The following NF1 variants were observed in gnomAD, a reference collection of about 807,000 sequenced individuals.
NF1 encodes the protein neurofibromin.
In NF1, 122 loss-of-function variants were observed where a neutral mutation model predicts 325.7. The observed-to-expected ratio is 0.37, with a 90% CI of 0.32 to 0.44. The LOEUF (loss-of-function observed/expected upper bound fraction) is 0.44. Ranked by LOEUF, NF1 falls within the 20% of genes least tolerant of loss-of-function variation. NF1 has a pLI of 1.00. For synonymous variants in NF1, 1,091 were observed against 1,186.0 expected (o/e 0.92, Z 1.65); for missense variants, 2,140 against 3,415.4 (o/e 0.63, Z 9.31).
At chr17:31,194,965 G>A (rs925826787) in intron 8 of NF1, among the ~76,000 whole-genome samples, 7 of 151,894 alleles carry the variant, frequency 4.6e-5, no homozygotes, top group South Asian at 2.1e-4. Context: ...CTAATTATTC[G>A]AACAGTTATT....
At chr17:31,310,311 A>T (rs1032400283) in intron 36 of NF1, among the ~76,000 whole-genome samples, 1 of 152,146 alleles carries the variant, frequency 6.6e-6, no homozygotes, top group African/African-American at 2.4e-5. Flanking sequence ...AGGAAGGTCA[A>T]TTGACTAGAG....
intron 36 of NF1, among the ~76,000 whole-genome samples, chr17:31,277,483 G>A (rs750864081): frequency 3.9e-5 from 6 of 152,106 alleles, no homozygotes; most frequent in African/African-American, 1.4e-4. Flanking sequence ...AAATTAGTTC[G>A]TGCTGACTAA....
intron 1 of NF1, among the ~76,000 whole-genome samples, chr17:31,100,799 A>C (rs1350335654): frequency 2.0e-5 from 3 of 152,040 alleles, no homozygotes; most frequent in African/African-American, 4.8e-5. Flanking sequence ...GAATTTCTTG[A>C]TGTCGTGATC....
intron 1 of NF1, among the ~76,000 whole-genome samples, chr17:31,144,820 CACTG>C (rs1313972607): frequency 2.0e-5 from 3 of 152,186 alleles, no homozygotes; most frequent in Non-Finnish European, 4.4e-5. Flanking sequence ...TCAGAATAGT[CACTG>C]GACCTGCTAG....
intron 1 of NF1, among the ~76,000 whole-genome samples, chr17:31,126,705 G>C (rs1321416517): frequency 6.6e-6 from 1 of 152,080 alleles, no homozygotes; most frequent in African/African-American, 2.4e-5. Context: ...GCCTCCCAAA[G>C]TGTTGAGATT....
Position 31,377,510 on chromosome 17 carries a change from C to T in NF1, c.*3355C>T, listed in dbSNP as rs181320341. 7 of 232,678 alleles carry T rather than the reference C, an allele frequency of 3.0e-5. No homozygotes were observed. The highest frequency in any genetic ancestry group is 1.2e-4 in the East Asian group (2 of 16,410). The allele number at this position is 232,678 out of a possible 1,614,324, so 14.4% of individuals were successfully genotyped here. ...CTTGTTAATACTGTAAACAGTTGTACGCCAGCAGGAAAAATACTGCCCAAC... is the reference window on the plus strand; with the variant it reads ...CTTGTTAATACTGTAAACAGTTGTATGCCAGCAGGAAAAATACTGCCCAAC... On this transcript the variant is annotated 3_prime_UTR_variant, in exon 58 of 58. Coordinates refer to ENST00000358273, the MANE Select transcript of NF1 (RefSeq NM_001042492.3).
rs1483485648 is a variant in NF1, at chr17:31,343,023, A to T, written c.7077A>T (p.Val2359=). 1 of 1,614,132 alleles carries T rather than the reference A, an allele frequency of 6.2e-7. No individual in the cohort carries two copies. The highest frequency in any genetic ancestry group is 1.3e-5 in the African/African-American group (1 of 75,048). ...ATCTTTAATAGAGTCCAGAGGAAGT[A>T]TTTATGGCAATCCGGAATCCTCTGG... ...RIFNDKSPEE[V]FMAIRNPLEW... The change falls in exon 48 of 58, where the codon GTA becomes GTT. Residue 2359 remains valine, a synonymous_variant. Transcript: ENST00000358273.
intron 5 of NF1, among the ~76,000 whole-genome samples, chr17:31,175,758 T>C (rs368434299): frequency 5.5e-4 from 83 of 152,176 alleles, no homozygotes; most frequent in Admixed American, 1.0e-3. Flanking sequence ...CTCCCACTTA[T>C]GAGTGAGAAC....
chr17:31,114,168 T>A (rs547716643), intron 1 of NF1, among the ~76,000 whole-genome samples: 1 of 152,224 alleles, frequency 6.6e-6, no homozygotes, highest in Non-Finnish European at 1.5e-5. Context: ...CTTGCTTCTG[T>A]AACTGGTTGA....
At chr17:31,309,620 G>A (rs985797641) in intron 36 of NF1, among the ~76,000 whole-genome samples, 1 of 152,110 alleles carries the variant, frequency 6.6e-6, no homozygotes, top group African/African-American at 2.4e-5. Flanking sequence ...ATTGTCTTTA[G>A]CCAAAAATGT....
intron 36 of NF1, among the ~76,000 whole-genome samples, chr17:31,289,869 A>G (rs149730926): frequency 1.1e-4 from 16 of 152,198 alleles, no homozygotes; most frequent in Non-Finnish European, 2.1e-4. Context: ...TTGTGCCAAT[A>G]TGTGAACATG....
At chr17:31,125,740 T>C (rs1193414200) in intron 1 of NF1, among the ~76,000 whole-genome samples, 5 of 152,182 alleles carry the variant, frequency 3.3e-5, no homozygotes, top group African/African-American at 9.6e-5. Flanking sequence ...TTCGCCATGT[T>C]AGCCAGGCTG....
intron 36 of NF1, among the ~76,000 whole-genome samples, chr17:31,311,509 G>A (rs28723516): frequency 0.011 from 1,690 of 152,178 alleles, 36 homozygotes; most frequent in African/African-American, 0.038. Flanking sequence ...TTTTGAAACC[G>A]TAAAAGAAAA....
chr17:31,311,478 T>C (rs2068874366), intron 36 of NF1, among the ~76,000 whole-genome samples: 1 of 152,178 alleles, frequency 6.6e-6, no homozygotes, highest in Admixed American at 6.5e-5. Flanking sequence ...TTAGCAGTAG[T>C]ATTATCTCTA....
At chr17:31,199,234 T>C (rs2066485200) in intron 8 of NF1, among the ~76,000 whole-genome samples, 1 of 152,218 alleles carries the variant, frequency 6.6e-6, no homozygotes, top group South Asian at 2.1e-4. Flanking sequence ...ATTTTTCTTT[T>C]AGCTCTGCAT....
intron 11 of NF1, among the ~76,000 whole-genome samples, chr17:31,203,701 T>G (rs2066570974): frequency 6.6e-6 from 1 of 152,074 alleles, no homozygotes; most frequent in Non-Finnish European, 1.5e-5. Context: ...GTAGTGTAAA[T>G]TTTTTTTCTA....
At chr17:31,308,909 C>T (rs1009951415) in intron 36 of NF1, among the ~76,000 whole-genome samples, 3 of 152,208 alleles carry the variant, frequency 2.0e-5, no homozygotes, top group Admixed American at 6.5e-5. Context: ...CCTATACCTA[C>T]TTCCTTGAAC....
Position 31,336,924 on chromosome 17 carries a change from A to G in NF1, c.6427+10A>G, listed in dbSNP as rs763852229. ...CAGCTTCATTTTAGTGGTAAGTTCTAGGAAAGGAATTTGTGTTTACCAGTT... is the reference window on the plus strand; with the variant it reads ...CAGCTTCATTTTAGTGGTAAGTTCTGGGAAAGGAATTTGTGTTTACCAGTT... On this transcript the variant is annotated intron_variant, in intron 42 of 57. Coordinates refer to ENST00000358273, the MANE Select transcript of NF1 (RefSeq NM_001042492.3). The surrounding 1 kb of genome is among the most constrained non-coding windows in gnomAD (Gnocchi z 5.5). The G allele has an allele frequency of 2.5e-5, 40 of 1,606,788 alleles. No homozygotes were observed. The East Asian group carries it at 5.3e-4, about 21-fold the overall frequency.
chr17:31,376,834 T>C lies in NF1; in HGVS notation c.*2679T>C. 1 of 233,282 alleles carries C rather than the reference T, an allele frequency of 4.3e-6. No individual in the cohort carries two copies. 14.5% of individuals were successfully genotyped at this position (233,282 alleles called of 1,614,324 possible). ...TGCCAGTACTCCCATCCGAGGGGCA[T>C]GCCCTTAGTTGCCCAGATGGAGATG... is the stretch of plus-strand genomic sequence containing the variant. On this transcript the variant is annotated 3_prime_UTR_variant, in exon 58 of 58. Transcript: ENST00000358273.
Sources: allele counts gnomAD v4.1 joint callset (sites outside exome capture counted in the v4.1 genomes callset), GRCh38; gene constraint gnomAD v4.1.1; non-coding constraint Gnocchi (gnomAD v3.1); transcripts MANE v1.5; gene names NCBI Gene and HGNC (gene_info 2026-07-23, HGNC 2026-07-21).